SMG7: variants seen among roughly 807,000 people sequenced by gnomAD.
SMG7 encodes nonsense-mediated mRNA decay factor SMG7.
In SMG7, 34 loss-of-function variants were observed where a neutral mutation model predicts 148.2. The ratio of observed to expected loss-of-function variants is 0.23; its 90% confidence interval spans 0.17 to 0.31. The LOEUF (loss-of-function observed/expected upper bound fraction) is 0.31, where lower values mean the gene tolerates loss of function less well. SMG7 is among the 10% of genes least tolerant of loss of function. The pLI is 1.00. For missense variants in SMG7, 1,114 were observed against 1,408.4 expected, an observed-to-expected ratio of 0.79 and a Z score of 3.35; for synonymous variants, 492 against 515.1, an observed-to-expected ratio of 0.96 and a Z score of 0.61.
At position 183,531,235 on chromosome 1, in the gene SMG7, G is replaced by T. The variant is rs546717207; in HGVS notation, c.843+1702G>T. 6.8e-4 allele frequency among the ~76,000 whole-genome samples: 103 copies of T among 152,192 alleles called. No homozygotes were observed. The South Asian group carries it at 0.021, about 31-fold the overall frequency. On this transcript the variant is annotated intron_variant, in intron 8 of 22. Coordinates refer to ENST00000688051, the MANE Select transcript of SMG7 (RefSeq NM_001375584.1). ...ACTTCAGTGTTTCTAACAACCTTTAGCTACTAAGCAGAAATGTTTACCAAG... is the reference window on the plus strand; with the variant it reads ...ACTTCAGTGTTTCTAACAACCTTTATCTACTAAGCAGAAATGTTTACCAAG...
intron 1 of SMG7, among the ~76,000 whole-genome samples, chr1:183,498,848 C>T (rs1283075152): frequency 6.6e-6 from 1 of 152,140 alleles, no homozygotes; most frequent in Non-Finnish European, 1.5e-5. Flanking sequence ...GACATGTATC[C>T]ACCGTTGTAT....
At position 183,527,246 on chromosome 1, in the gene SMG7, A is replaced by T. The variant is rs74129809; in HGVS notation, c.484+479A>T. On this transcript the variant is annotated intron_variant, in intron 5 of 22. Coordinates refer to ENST00000688051, the MANE Select transcript of SMG7 (RefSeq NM_001375584.1). The surrounding 1 kb of genome is among the most constrained non-coding windows in gnomAD (Gnocchi z 4.0). ...TGCATTTTATCTGGGAATATTATATAACTTATTTATTCTTGTTCATTCCTT... is the reference window on the plus strand; with the variant it reads ...TGCATTTTATCTGGGAATATTATATTACTTATTTATTCTTGTTCATTCCTT... Among the ~76,000 whole-genome samples, 2,147 of 152,342 alleles carry T rather than the reference A, an allele frequency of 0.014. 53 individuals carry two copies. Among genetic ancestry groups the T allele is most frequent in the African/African-American group, 0.048 (1,999 of 41,574 alleles).
chr1:183,506,965 GC>G (rs71555410), intron 1 of SMG7, among the ~76,000 whole-genome samples: 1 of 141,198 alleles, frequency 7.1e-6, no homozygotes, highest in Non-Finnish European at 1.5e-5. Context: ...TGCAACCTAC[GC>G]CCCCCAGGTT....
intron 1 of SMG7, among the ~76,000 whole-genome samples, chr1:183,489,535 C>T (rs369403768): frequency 1.8e-4 from 28 of 151,936 alleles, no homozygotes; most frequent in African/African-American, 5.8e-4. Context: ...GAAATAGTAG[C>T]GCTTTTAATG....
At chr1:183,473,189 A>C (rs78517564) in intron 1 of SMG7, among the ~76,000 whole-genome samples, 13,486 of 151,810 alleles carry the variant, frequency 0.089, 734 homozygotes, top group Admixed American at 0.14. Flanking sequence ...GGTTGGGAGT[A>C]TTGAGGAATA....
rs1669874171 is a variant in SMG7, at chr1:183,546,074, C to G, written c.2479C>G (p.Pro827Ala). 1 of 1,613,830 alleles carries G rather than the reference C, an allele frequency of 6.2e-7. No homozygotes were observed. The highest frequency in any genetic ancestry group is 1.1e-5 in the South Asian group (1 of 91,070). The part of the protein sequence containing the change: ...KQPYYLQTQD[P>A]IKLFEPSLQP... ...GCCCTACTACCTTCAGACCCAAGAC[C>G]CCATAAAACTGTTTGAGCCGTCATT... Residue 827 changes from proline to alanine, a missense_variant, in exon 17 of 23, where the codon CCC becomes GCC. Pro to Ala is a conservative substitution (Grantham distance 27). Around this residue, in one of 4 missense-constraint regions of SMG7, gnomAD observed 788 missense variants for 894.5 expected, o/e 0.88. Coordinates refer to ENST00000688051, the MANE Select transcript of SMG7 (RefSeq NM_001375584.1).
chr1:183,552,252 G>A lies in SMG7; in HGVS notation c.*321G>A. The A allele has an allele frequency of 9.7e-7, 1 of 1,034,712 alleles. No individual in the cohort carries two copies. The highest frequency in any genetic ancestry group is 1.2e-6 in the Non-Finnish European group (1 of 862,256). The allele number at this position is 1,034,712 out of a possible 1,614,324, so 64.1% of individuals were successfully genotyped here. ...GCATGTCCCCAGCCACATGGGAAGT[G>A]AAAGCTGAGAAGGGAAGGCAGATGG... On this transcript the variant is annotated 3_prime_UTR_variant, in exon 23 of 23. Transcript: ENST00000688051.
intron 1 of SMG7, among the ~76,000 whole-genome samples, chr1:183,500,450 G>A (rs147334214): frequency 8.5e-4 from 129 of 152,248 alleles, no homozygotes; most frequent in Middle Eastern, 3.4e-3. Flanking sequence ...GAAACCTTGA[G>A]TTTTTAGGAT....
chr1:183,521,380 G>A (rs925389355), intron 4 of SMG7, among the ~76,000 whole-genome samples: 5 of 152,104 alleles, frequency 3.3e-5, no homozygotes, highest in Admixed American at 6.5e-5. Flanking sequence ...GATTACAGGC[G>A]TGAGCCACTG....
intron 14 of SMG7, among the ~76,000 whole-genome samples, chr1:183,544,103 T>A (rs1669463736): frequency 6.6e-6 from 1 of 152,210 alleles, no homozygotes; most frequent in African/African-American, 2.4e-5. Context: ...TAAGGTCCTT[T>A]ACATTTTTGG....
Position 183,552,513 on chromosome 1 carries a change from A to C in SMG7, c.*582A>C, listed in dbSNP as rs974499919. ...CTGCTCCTGTGAGAGGTTGGTGGTG[A>C]CAGGATGGGGAACCGACCTCTTCAG... On this transcript the variant is annotated 3_prime_UTR_variant, in exon 23 of 23. Coordinates refer to ENST00000688051, the MANE Select transcript of SMG7 (RefSeq NM_001375584.1). 15 of 998,300 alleles carry C rather than the reference A, an allele frequency of 1.5e-5. No individual in the cohort carries two copies. The highest frequency in any genetic ancestry group is 1.8e-5 in the Non-Finnish European group (15 of 837,140). 61.8% of individuals were successfully genotyped at this position (998,300 alleles called of 1,614,324 possible). A position where few individuals can be genotyped will look rare whatever the true frequency, so the allele number is the denominator to read the frequency against.
At chr1:183,481,729 A>T (rs1654169786) in intron 1 of SMG7, among the ~76,000 whole-genome samples, 1 of 152,182 alleles carries the variant, frequency 6.6e-6, no homozygotes, top group African/African-American at 2.4e-5. Flanking sequence ...AAATGTTTTC[A>T]AGGAATTCCA....
chr1:183,490,651 A>C (rs181557109), intron 1 of SMG7, among the ~76,000 whole-genome samples: 1 of 152,240 alleles, frequency 6.6e-6, no homozygotes, highest in Non-Finnish European at 1.5e-5. Flanking sequence ...CATTTTAAAC[A>C]TATACTGTTT....
In SMG7 at chr1:183,480,799, C is replaced by T. The variant is rs951658636; in HGVS notation, c.29+8150C>T. Among the ~76,000 whole-genome samples, 3 of 152,112 alleles carry T rather than the reference C, an allele frequency of 2.0e-5. No homozygotes were observed. The East Asian group carries it at 5.8e-4, about 29-fold the overall frequency. On this transcript the variant is annotated intron_variant, in intron 1 of 22. Coordinates refer to ENST00000688051, the MANE Select transcript of SMG7 (RefSeq NM_001375584.1). ...TGCCCATTCTTTTGAAAAATTCTTC[C>T]TACTGTTACCTTACCTGCATTTCTT... is the stretch of plus-strand genomic sequence containing the variant.
chr1:183,489,845 G>A (rs576633059), intron 1 of SMG7, among the ~76,000 whole-genome samples: 6 of 152,230 alleles, frequency 3.9e-5, no homozygotes, highest in Non-Finnish European at 7.3e-5. Context: ...TATCGAAAAC[G>A]TGAGAGGGAC....
intron 8 of SMG7, among the ~76,000 whole-genome samples, chr1:183,532,379 G>T (rs1572025544): frequency 6.6e-6 from 1 of 152,178 alleles, no homozygotes; most frequent in Admixed American, 6.5e-5. Flanking sequence ...ATTTTTGCCT[G>T]CAGGTAATCT....
In SMG7 at chr1:183,550,931, A is replaced by G; in HGVS notation, c.3304+10A>G. On this transcript the variant is annotated intron_variant, in intron 21 of 22. Transcript: ENST00000688051. The stretch of plus-strand genomic sequence containing the variant: ...AAAACTGATAAGCCAGGTGAGATCT[A>G]CATTTCATTGCCAGGCAAAATTGAA... The G allele has an allele frequency of 1.9e-6, 3 of 1,614,080 alleles. No individual in the cohort carries two copies. The highest frequency in any genetic ancestry group is 2.7e-5 in the African/African-American group (2 of 75,042).
intron 18 of SMG7, 63 bp downstream of exon 18, chr1:183,547,315 A>G (rs1670095766): frequency 1.4e-6 from 2 of 1,387,002 alleles, no homozygotes; most frequent in Non-Finnish European, 2.0e-6. Context: ...GAGATACTGT[A>G]GTACACAGAT....
intron 17 of SMG7, among the ~76,000 whole-genome samples, 166 bp downstream of exon 17, chr1:183,546,503 G>GT (rs1375356452): frequency 6.6e-5 from 10 of 152,140 alleles, no homozygotes; most frequent in Non-Finnish European, 1.5e-5. Flanking sequence ...GAGTTGCACA[G>GT]TATGTTTTAG....
Sources: gnomAD v4.1 joint callset for allele counts (sites outside exome capture counted in the v4.1 genomes callset) on GRCh38, gnomAD v4.1.1 for gene constraint, gnomAD v4.1.1 regional missense constraint, Gnocchi (gnomAD v3.1) non-coding constraint, MANE v1.5 for transcripts, NCBI Gene and HGNC (gene_info 2026-07-23, HGNC 2026-07-21) for gene names.